The following XYLT2 variants were observed in gnomAD, a reference collection of about 807,000 sequenced individuals.
XYLT2 encodes the protein xylosyltransferase 2.
Under a neutral mutation model 82.6 loss-of-function variants are expected in XYLT2, and 37 were observed. The ratio of observed to expected loss-of-function variants is 0.45; its 90% CI spans 0.34 to 0.59. The LOEUF (loss-of-function observed/expected upper bound fraction) is 0.59. Among genes scored for constraint, XYLT2 ranks in the 20% least tolerant of loss-of-function variants. The pLI is 0.01. For synonymous variants in XYLT2, 474 were observed against 499.0 expected (o/e 0.95, Z 0.67); for missense variants, 934 against 1,181.3 (o/e 0.79, Z 3.07).
rs764269093 is a variant in XYLT2 at position 50,357,085 on chromosome 17, G to A, written c.1774G>A (p.Val592Met). 5.0e-6 allele frequency: 8 copies of A among 1,612,246 alleles called. No individual in the cohort carries two copies. The highest frequency in any genetic ancestry group is 1.3e-5 in the African/African-American group (1 of 74,880). ...RFEPRGLPSS[V>M]HLYFYDDHFQ... ...TGAGCCCAGGGGCTTGCCGTCCAGCGTGCACCTGTATTTCTATGACGACCA... is the reference window on the plus strand; with the variant it reads ...TGAGCCCAGGGGCTTGCCGTCCAGCATGCACCTGTATTTCTATGACGACCA... The change falls in exon 9 of 11, where the codon GTG becomes ATG. Residue 592 changes from valine (V) to methionine (M), a missense_variant. Val to Met is a conservative substitution (Grantham distance 21, BLOSUM62 1). Around this residue, in one of 3 missense-constraint regions of XYLT2, gnomAD observed 374 missense variants for 465.6 expected, o/e 0.80. Coordinates refer to ENST00000017003, the MANE Select transcript of XYLT2 (RefSeq NM_022167.4).
rs1912519722 is a variant in XYLT2 at position 50,356,221 on chromosome 17, C to T, written c.1442C>T (p.Ser481Phe). Residue 481 changes from serine to phenylalanine, a missense_variant, in exon 7 of 11, where the codon TCC becomes TTC. Ser to Phe is a radical substitution (Grantham distance 155, BLOSUM62 -2). Coordinates refer to ENST00000017003, the MANE Select transcript of XYLT2 (RefSeq NM_022167.4). ...YKHIVDWCGC[S>F]PNDFKPQDFL... ...CACATTGTGGACTGGTGTGGCTGCT[C>T]CCCCAACGACTTCAAGCCACAGGAC... 6.2e-7 allele frequency: 1 copy of T among 1,614,154 alleles called. No homozygotes were observed. Among genetic ancestry groups the T allele is most frequent in the African/African-American group, 1.3e-5 (1 of 75,062 alleles).
intron 1 of XYLT2, among the ~76,000 whole-genome samples, chr17:50,350,650 A>C (rs1243636249): frequency 6.6e-6 from 1 of 152,176 alleles, no homozygotes; most frequent in Non-Finnish European, 1.5e-5. Context: ...AACAGGAAAA[A>C]AGCCCTGCCC....
At chr17:50,355,650 G>T in intron 5 of XYLT2, 69 bp downstream of exon 5, 1 of 1,597,810 alleles carries the variant, frequency 6.3e-7, no homozygotes, top group Non-Finnish European at 8.6e-7. Flanking sequence ...AGTTGGGCTC[G>T]GTGGCTCCAG....
At position 50,355,001 on chromosome 17, in the gene XYLT2, C is replaced by G. The variant is rs201556386; in HGVS notation, c.952C>G (p.Pro318Ala). 2.6e-5 allele frequency: 40 copies of G among 1,544,970 alleles called. No individual in the cohort carries two copies. The highest frequency in any genetic ancestry group is 3.4e-5 in the Non-Finnish European group (39 of 1,146,180). The change falls in exon 4 of 11, where the codon CCT becomes GCT. Residue 318 changes from proline (P) to alanine (A), a missense_variant. Physicochemically the swap from Pro to Ala is conservative, Grantham distance 27. Coordinates refer to ENST00000017003, the MANE Select transcript of XYLT2 (RefSeq NM_022167.4). ...LRSMRDLLEV[P>A]GWAWDFFINL... Reference sequence around the variant, plus strand: ...GAGCATGCGGGACCTGCTAGAGGTGCCTGGCTGGGCCTGGGACTTCTTCAT... The same window carrying G: ...GAGCATGCGGGACCTGCTAGAGGTGGCTGGCTGGGCCTGGGACTTCTTCAT...
At chr17:50,348,281 T>G (rs543914019) in intron 1 of XYLT2, among the ~76,000 whole-genome samples, 4 of 152,208 alleles carry the variant, frequency 2.6e-5, no homozygotes, top group Admixed American at 6.5e-5. Flanking sequence ...GGGGTTGGCT[T>G]AGATCAGGGG....
chr17:50,358,337 T>C lies in XYLT2; in HGVS notation c.2072T>C (p.Ile691Thr), dbSNP rs765824689. 3.1e-6 allele frequency: 5 copies of C among 1,613,986 alleles called. No individual in the cohort carries two copies. The East Asian group carries it at 1.1e-4, about 36-fold the overall frequency. Reference sequence around the variant, plus strand: ...AACCTCACAGCCACAGTGGTCTGGATCGACCCAACCTATGTGGTGGCCACA... The same window carrying C: ...AACCTCACAGCCACAGTGGTCTGGACCGACCCAACCTATGTGGTGGCCACA... ...GPNLTATVVW[I>T]DPTYVVATSY... Residue 691 changes from isoleucine to threonine, a missense_variant, in exon 10 of 11, where the codon ATC becomes ACC. Ile to Thr is a moderately conservative substitution (Grantham distance 89). Coordinates refer to ENST00000017003, the MANE Select transcript of XYLT2 (RefSeq NM_022167.4).
chr17:50,350,506 G>C (rs1912220682), intron 1 of XYLT2, among the ~76,000 whole-genome samples: 1 of 130,928 alleles, frequency 7.6e-6, no homozygotes, highest in Admixed American at 7.4e-5. Context: ...GGCAGAGGTT[G>C]GAGTGAGCCG....
rs1302995915 is a variant in XYLT2 at position 50,346,138 on chromosome 17, A to T, written c.-3A>T. 8.1e-7 allele frequency: 1 copy of T among 1,240,400 alleles called. No individual in the cohort carries two copies. The highest frequency in any genetic ancestry group is 1.0e-6 in the Non-Finnish European group (1 of 967,312). The allele number at this position is 1,240,400 out of a possible 1,614,324, so 76.8% of individuals were successfully genotyped here. Reference sequence around the variant, plus strand: ...GCGCGCGCCCCGCGTCCCGGGCAGGAAGATGGTGGCGAGCGCGCGAGTGCA... The same window carrying T: ...GCGCGCGCCCCGCGTCCCGGGCAGGTAGATGGTGGCGAGCGCGCGAGTGCA... On this transcript the variant is annotated 5_prime_UTR_variant, in exon 1 of 11. Transcript: ENST00000017003. This position sits in a 1 kb window ranked among gnomAD's most constrained non-coding sequence, Gnocchi z 5.1.
chr17:50,357,903 A>G, intron 9 of XYLT2: 2 of 362,208 alleles, frequency 5.5e-6, no homozygotes, highest in Non-Finnish European at 1.0e-5. Context: ...TCTTTCTCAG[A>G]GGCTTTGGCT....
At chr17:50,351,567 G>T (rs1455127266) in intron 1 of XYLT2, among the ~76,000 whole-genome samples, 1 of 152,166 alleles carries the variant, frequency 6.6e-6, no homozygotes, top group Non-Finnish European at 1.5e-5. Flanking sequence ...CCAGGAGGCA[G>T]AGGTTGCAGT....
chr17:50,358,403 A>C lies in XYLT2; in HGVS notation c.2138A>C (p.Gln713Pro). Residue 713 changes from glutamine (Q) to proline (P), a missense_variant, in exon 10 of 11, where the codon CAA (glutamine) becomes CCA (proline). Around this residue, in one of 3 missense-constraint regions of XYLT2, gnomAD observed 374 missense variants for 465.6 expected, o/e 0.80. Transcript: ENST00000017003. ...ITVDTETEVT[Q>P]YKPPLSRPLR... Reference sequence around the variant, plus strand: ...GTAGATACGGAGACTGAGGTCACGCAATACAAGCCCCCACTGAGCCGGCCC... The same window carrying C: ...GTAGATACGGAGACTGAGGTCACGCCATACAAGCCCCCACTGAGCCGGCCC... 6.2e-7 allele frequency: 1 copy of C among 1,614,098 alleles called. No homozygotes were observed. Among genetic ancestry groups the C allele is most frequent in the South Asian group, 1.1e-5 (1 of 91,090 alleles).
chr17:50,350,779 A>G (rs1274146471), intron 1 of XYLT2, among the ~76,000 whole-genome samples: 2 of 150,094 alleles, frequency 1.3e-5, no homozygotes, highest in Admixed American at 1.3e-4. Context: ...GAGGGCTGGC[A>G]CTGTAAATCC....
rs1011776833 is a variant in XYLT2, at chr17:50,359,895, G to C, written c.2276-74G>C. ...GCTGTGACAGGAACTGGGGTACCCAGACCCAACTCCTGGGTCTGGCCTCCA... is the reference window on the plus strand; with the variant it reads ...GCTGTGACAGGAACTGGGGTACCCACACCCAACTCCTGGGTCTGGCCTCCA... On this transcript the variant is annotated intron_variant, in intron 10 of 10. Transcript: ENST00000017003. The C allele has an allele frequency of 3.6e-6, 5 of 1,377,692 alleles. No homozygotes were observed. The South Asian group carries it at 5.7e-5, about 16-fold the overall frequency. The allele number at this position is 1,377,692 out of a possible 1,614,324, so 85.3% of individuals were successfully genotyped here.
Position 50,360,013 on chromosome 17 carries a change from A to C in XYLT2, c.2320A>C (p.Met774Leu). ...CGCAGGGCCACCCCACAACGAGTAC[A>C]TGGAGCAGAGTTTCCAGGGCCTGAG... is the stretch of plus-strand genomic sequence containing the variant. ...LHAGPPHNEYMEQSFQGLSSI... is the reference protein window; with the variant it reads ...LHAGPPHNEYLEQSFQGLSSI... The change falls in exon 11 of 11, where the codon ATG (methionine) becomes CTG (leucine). Residue 774 changes from methionine (M) to leucine (L), a missense_variant. Met to Leu is a conservative substitution (Grantham distance 15). Transcript: ENST00000017003. 6.2e-7 allele frequency: 1 copy of C among 1,613,310 alleles called. No individual in the cohort carries two copies. The highest frequency in any genetic ancestry group is 8.5e-7 in the Non-Finnish European group (1 of 1,179,704).
chr17:50,358,150 G>T, intron 9 of XYLT2, 57 bp from the exon 10 acceptor site: 1 of 1,458,976 alleles, frequency 6.9e-7, no homozygotes, highest in Non-Finnish European at 9.2e-7. Context: ...GGCAGCTTCA[G>T]AGGAGGGAGA....
intron 1 of XYLT2, among the ~76,000 whole-genome samples, chr17:50,351,870 G>T (rs927312681): frequency 6.6e-6 from 1 of 152,166 alleles, no homozygotes; most frequent in Non-Finnish European, 1.5e-5. Context: ...GTCAATCTGA[G>T]ATTTGGGATG....
chr17:50,358,886 A>C, intron 10 of XYLT2: 3 of 216,102 alleles, frequency 1.4e-5, no homozygotes, highest in Non-Finnish European at 1.9e-5. Flanking sequence ...TGCAACACAA[A>C]TCCACTCAAC....
chr17:50,361,031 A>C lies in XYLT2; in HGVS notation c.*740A>C. ...CCAGGTGTGCACTGGAAGTGAGGTC[A>C]CATGAGCAGCGTGGGAAGAAGACTC... is the stretch of plus-strand genomic sequence containing the variant. On this transcript the variant is annotated 3_prime_UTR_variant, in exon 11 of 11. Transcript: ENST00000017003. The C allele has an allele frequency of 2.0e-6, 2 of 985,966 alleles. No homozygotes were observed. The highest frequency in any genetic ancestry group is 2.4e-6 in the Non-Finnish European group (2 of 829,958). 61.1% of individuals were successfully genotyped at this position (985,966 alleles called of 1,614,324 possible). A position where few individuals can be genotyped will look rare whatever the true frequency, so the allele number is the denominator to read the frequency against.
intron 1 of XYLT2, among the ~76,000 whole-genome samples, chr17:50,350,931 C>G (rs1035132816): frequency 6.6e-6 from 1 of 151,806 alleles, no homozygotes; most frequent in Non-Finnish European, 1.5e-5. Context: ...CCAGGAGTGC[C>G]AGGGGGGATG....
Sources: allele counts gnomAD v4.1 joint callset (sites outside exome capture counted in the v4.1 genomes callset), GRCh38; gene constraint gnomAD v4.1.1; regional missense constraint gnomAD v4.1.1; non-coding constraint Gnocchi (gnomAD v3.1); transcripts MANE v1.5; gene names NCBI Gene and HGNC (gene_info 2026-07-23, HGNC 2026-07-21).